The following EVA1A variants were observed in gnomAD, a reference collection of about 807,000 sequenced individuals.
The protein encoded by EVA1A is protein eva-1 homolog A.
EVA1A carries 7 observed loss-of-function variants against 9.8 expected under a neutral mutation model. The observed-to-expected ratio is 0.71, with a 90% CI of 0.41 to 1.34. The LOEUF (loss-of-function observed/expected upper bound fraction) is 1.34. EVA1A is among the 40% of genes most tolerant of loss of function. The pLI, the probability that EVA1A is intolerant of heterozygous loss-of-function variation, is 0.01. For missense variants in EVA1A, 206 were observed against 205.9 expected, an observed-to-expected ratio of 1.00 and a Z score of 0.00; for synonymous variants, 90 against 85.6, an observed-to-expected ratio of 1.05 and a Z score of -0.28.
upstream of EVA1A, among the ~76,000 whole-genome samples, chr2:75,564,009 A>G (rs1248666990): frequency 2.0e-5 from 3 of 152,184 alleles, no homozygotes; most frequent in East Asian, 3.8e-4. Context: ...GGAAATAGCT[A>G]TTTTCCATTT....
At chr2:75,524,150 C>A (rs754311327) in intron 1 of EVA1A, 3 of 152,306 alleles carry the variant, frequency 2.0e-5, no homozygotes, top group Non-Finnish European at 2.9e-5. Flanking sequence ...CCATACAGAA[C>A]TGTGAGTCAA....
intron 3 of EVA1A, among the ~76,000 whole-genome samples, chr2:75,501,860 G>A (rs1674436815): frequency 6.6e-6 from 1 of 152,136 alleles, no homozygotes; most frequent in Non-Finnish European, 1.5e-5. Context: ...CTTGTCCTCT[G>A]TCTCCTACAC....
chr2:75,525,103 A>T (rs550492832), intron 1 of EVA1A, among the ~76,000 whole-genome samples: 49 of 152,252 alleles, frequency 3.2e-4, no homozygotes, highest in Non-Finnish European at 6.5e-4. Context: ...ATATATAAAT[A>T]TACAATGTAT....
chr2:75,556,995 C>T (rs751359323), intron 1 of EVA1A, among the ~76,000 whole-genome samples: 5 of 152,178 alleles, frequency 3.3e-5, no homozygotes, highest in African/African-American at 9.7e-5. Flanking sequence ...TCTCACCCTA[C>T]TCCACCCTCA....
chr2:75,540,034 C>T (rs1434525623), intron 1 of EVA1A, among the ~76,000 whole-genome samples: 1 of 152,214 alleles, frequency 6.6e-6, no homozygotes, highest in African/African-American at 2.4e-5. Context: ...AAGAAATACT[C>T]TGGTTTCCTC....
chr2:75,552,665 C>T (rs957146218), intron 1 of EVA1A, among the ~76,000 whole-genome samples: 3 of 152,178 alleles, frequency 2.0e-5, no homozygotes, highest in Non-Finnish European at 4.4e-5. Flanking sequence ...AGACATTTCC[C>T]ATACTTCATT....
chr2:75,543,938 G>A (rs1676232465), intron 1 of EVA1A, among the ~76,000 whole-genome samples: 1 of 152,018 alleles, frequency 6.6e-6, no homozygotes, highest in Admixed American at 6.6e-5. Flanking sequence ...TTCATTTCAA[G>A]GGTTCTAGAA....
At chr2:75,554,212 G>A (rs1046082412) in intron 1 of EVA1A, among the ~76,000 whole-genome samples, 1 of 152,186 alleles carries the variant, frequency 6.6e-6, no homozygotes, top group Non-Finnish European at 1.5e-5. Flanking sequence ...CAAGGCAAAA[G>A]GGGAGAGGCT....
At position 75,518,111 on chromosome 2, in the gene EVA1A, C is replaced by T. The variant is rs372051466; in HGVS notation, c.30G>A (p.Glu10=). The T allele has an allele frequency of 6.0e-5, 97 of 1,614,010 alleles. No individual in the cohort carries two copies. The highest frequency in any genetic ancestry group is 7.8e-5 in the Non-Finnish European group (92 of 1,180,012). Residue 10 remains glutamate (E), a synonymous_variant, in exon 3 of 4, where the codon GAG becomes GAA. Transcript: ENST00000393913. MRLPLSHSP[E]HVEMALLSNI... is the part of the protein sequence containing the mutation. ...TGCTGAGCAAAGCCATCTCCACGTGCTCTGGGCTGTGGCTGAGGGGCAGCC... is the reference window on the plus strand; with the variant it reads ...TGCTGAGCAAAGCCATCTCCACGTGTTCTGGGCTGTGGCTGAGGGGCAGCC...
chr2:75,548,700 C>A (rs533091970), intron 1 of EVA1A, among the ~76,000 whole-genome samples: 3 of 152,086 alleles, frequency 2.0e-5, no homozygotes, highest in African/African-American at 7.2e-5. Context: ...AATGAATATG[C>A]GCCTACAGAT....
At chr2:75,533,911 A>G (rs901472129) in intron 1 of EVA1A, among the ~76,000 whole-genome samples, 1 of 151,858 alleles carries the variant, frequency 6.6e-6, no homozygotes, top group Non-Finnish European at 1.5e-5. Flanking sequence ...TCCCAGGTTC[A>G]CGCCATTCTC....
At chr2:75,522,117 C>T (rs1401967166) in intron 2 of EVA1A, among the ~76,000 whole-genome samples, 1 of 151,880 alleles carries the variant, frequency 6.6e-6, no homozygotes, top group Non-Finnish European at 1.5e-5. Context: ...GGAAAAAGAT[C>T]GTATGAATAG....
chr2:75,493,914 G>A (rs1247975667), intron 3 of EVA1A, among the ~76,000 whole-genome samples: 2 of 152,206 alleles, frequency 1.3e-5, no homozygotes, highest in East Asian at 1.9e-4. Flanking sequence ...GCAAGCAGCC[G>A]TGCTTAGGTG....
rs758605756 is a variant in EVA1A at position 75,493,280 on chromosome 2, G to A, written c.415C>T (p.Gln139Ter). The A allele has an allele frequency of 1.1e-5, 18 of 1,613,836 alleles. No homozygotes were observed. The highest frequency in any genetic ancestry group is 1.4e-5 in the Non-Finnish European group (17 of 1,179,956). The change falls in exon 4 of 4, where the codon CAG (glutamine) becomes TAG (stop). Residue 139 changes from glutamine to a stop codon, truncating the protein, a stop_gained. Coordinates refer to ENST00000393913, the MANE Select transcript of EVA1A (RefSeq NM_001135032.2). LOFTEE classifies it high-confidence loss of function. ...CTCCTGGTCCCGGGCACCTCAGGCT[G>A]GCCATTCATCCAGATCTCCCTGATG... ...RIIREIWMNG[Q>*]PEVPGTRSLN...
At chr2:75,532,710 CA>C (rs1654874878) in intron 1 of EVA1A, among the ~76,000 whole-genome samples, 1 of 152,082 alleles carries the variant, frequency 6.6e-6, no homozygotes, top group East Asian at 1.9e-4. Flanking sequence ...AGAAAGTAAT[CA>C]AAGAAATAAT....
intron 3 of EVA1A, among the ~76,000 whole-genome samples, chr2:75,517,398 G>A (rs1399218310): frequency 2.6e-5 from 4 of 152,184 alleles, no homozygotes; most frequent in African/African-American, 9.7e-5. Context: ...TCAAGCAACA[G>A]AGGAACAGTT....
chr2:75,498,496 C>A (rs371392381), intron 3 of EVA1A, among the ~76,000 whole-genome samples: 37 of 152,070 alleles, frequency 2.4e-4, no homozygotes, highest in Middle Eastern at 3.4e-3. Flanking sequence ...GTAAAAAAAA[C>A]CCCAAAAAAC....
chr2:75,540,057 T>TGCAACCTTCCACAGGTGCA (rs892925352), intron 1 of EVA1A, among the ~76,000 whole-genome samples: 12 of 152,200 alleles, frequency 7.9e-5, no homozygotes, highest in Non-Finnish European at 1.0e-4. Context: ...TTCACTACCT[T>TGCAACCTTCCACAGGTGCA]GCAACCTTCC....
upstream of EVA1A, among the ~76,000 whole-genome samples, chr2:75,562,612 C>T: frequency 6.6e-6 from 1 of 152,226 alleles, no homozygotes; most frequent in Non-Finnish European, 1.5e-5. Context: ...AAGTACTCCC[C>T]TCTCCGACCT....
Sources: gnomAD v4.1 joint callset for allele counts (sites outside exome capture counted in the v4.1 genomes callset) on GRCh38, gnomAD v4.1.1 for gene constraint, MANE v1.5 for transcripts, NCBI Gene and HGNC (gene_info 2026-07-23, HGNC 2026-07-21) for gene names.